The following WDR7 variants were observed in gnomAD, a reference collection of about 807,000 sequenced individuals.
WDR7 encodes the protein WD repeat domain 7, also known as WD repeat-containing protein 7.
A neutral mutation model predicts 169.4 loss-of-function variants in WDR7; 46 were observed. That is an observed-to-expected ratio of 0.27 (90% CI 0.21 to 0.35). WDR7 has a LOEUF of 0.35. Ranked by LOEUF, WDR7 falls within the 10% of genes least tolerant of loss-of-function variation. WDR7 has a pLI of 1.00. For missense variants in WDR7, 1,534 were observed against 1,859.3 expected, an observed-to-expected ratio of 0.83 and a Z score of 3.22; for synonymous variants, 612 against 666.8, an observed-to-expected ratio of 0.92 and a Z score of 1.27.
At chr18:56,916,116 G>C (rs1214904023) in intron 21 of WDR7, among the ~76,000 whole-genome samples, 1 of 152,134 alleles carries the variant, frequency 6.6e-6, no homozygotes, top group East Asian at 1.9e-4. Context: ...GGAAAACTTA[G>C]ACAAAATTTT....
intron 19 of WDR7, among the ~76,000 whole-genome samples, chr18:56,802,755 G>A (rs1022699804): frequency 6.6e-6 from 1 of 152,052 alleles, no homozygotes; most frequent in Non-Finnish European, 1.5e-5. Flanking sequence ...CTCCCAGTCT[G>A]CGGGTTGTTT....
At chr18:56,825,459 C>A (rs1268964063) in intron 20 of WDR7, among the ~76,000 whole-genome samples, 1 of 152,192 alleles carries the variant, frequency 6.6e-6, no homozygotes, top group Admixed American at 6.5e-5. Flanking sequence ...AATCCTCACA[C>A]AATTCATGTG....
chr18:56,779,746 G>A lies in WDR7; in HGVS notation c.3066+197G>A, dbSNP rs77294044. 6.4e-3 allele frequency among the ~76,000 whole-genome samples: 979 copies of A among 152,042 alleles called. 14 individuals are homozygous for A. The highest frequency in any genetic ancestry group is 0.022 in the African/African-American group (918 of 41,456). ...CAGTAATGCTCCAGCTGGTTTATTC[G>A]TTTACTTTTAAAGAATTCAGTGACT... On this transcript the variant is annotated intron_variant, in intron 18 of 27. Coordinates refer to ENST00000254442, the MANE Select transcript of WDR7 (RefSeq NM_015285.3).
At chr18:56,957,186 T>C (rs1448221696) in intron 25 of WDR7, 5 of 152,144 alleles carry the variant, frequency 3.3e-5, no homozygotes, top group Admixed American at 2.0e-4. Flanking sequence ...TGTGCTGACA[T>C]GAGAGGACCA....
intron 16 of WDR7, among the ~76,000 whole-genome samples, chr18:56,763,937 T>G (rs892062741): frequency 6.6e-6 from 1 of 152,114 alleles, no homozygotes; most frequent in African/African-American, 2.4e-5. Context: ...TAATTTATGT[T>G]TTTTCCCTTT....
intron 20 of WDR7, chr18:56,872,829 A>G (rs940154275): frequency 6.6e-6 from 1 of 152,186 alleles, no homozygotes; most frequent in East Asian, 1.9e-4. Context: ...TTTTCATGAG[A>G]CAAATGAAAC....
chr18:56,950,219 G>A (rs548003231), intron 25 of WDR7, among the ~76,000 whole-genome samples: 65 of 152,306 alleles, frequency 4.3e-4, no homozygotes, highest in African/African-American at 1.6e-3. Flanking sequence ...TTGAAACAAT[G>A]TGTACTCAAG....
rs142083373 is a variant in WDR7, at chr18:56,751,173, G to A, written c.1990-5410G>A. ...GAGGAATCACACGAAATTGCATCCC[G>A]ATATCATTGTCCCAGACACTAGATG... On this transcript the variant is annotated intron_variant, in intron 14 of 27. Coordinates refer to ENST00000254442, the MANE Select transcript of WDR7 (RefSeq NM_015285.3). 1.1e-3 allele frequency among the ~76,000 whole-genome samples: 168 copies of A among 152,100 alleles called. 1 individual carries two copies. The Middle Eastern group carries it at 0.014, about 12-fold the overall frequency.
At chr18:56,672,731 G>GT in intron 2 of WDR7, 57 bp downstream of exon 2, 3 of 1,454,272 alleles carry the variant, frequency 2.1e-6, no homozygotes, top group Non-Finnish European at 2.7e-6. Context: ...CTTATTAGAA[G>GT]ATAATATAGT....
At chr18:56,831,809 T>C (rs1370028148) in intron 20 of WDR7, among the ~76,000 whole-genome samples, 1 of 152,120 alleles carries the variant, frequency 6.6e-6, no homozygotes, top group African/African-American at 2.4e-5. Context: ...CCAACCCAGA[T>C]GCTATGCTTT....
At chr18:56,952,369 C>A (rs780169816) in intron 25 of WDR7, among the ~76,000 whole-genome samples, 2 of 152,212 alleles carry the variant, frequency 1.3e-5, no homozygotes, top group Admixed American at 6.5e-5. Flanking sequence ...AAAATTTTTG[C>A]GTAGCAGCTA....
At position 56,820,359 on chromosome 18, in the gene WDR7, A is replaced by AAAAAACAAAAAAAAAAAAAC. The variant is rs1555695958; in HGVS notation, c.3304+4221_3304+4222insAAAAAAAAAAAAACAAAAAC. On this transcript the variant is annotated intron_variant, in intron 20 of 27. Transcript: ENST00000254442. ...ATTGTCAAAAAAAAAAAAAAAAAAAAAAAAACCACCTTGATACTAGATCAG... is the reference window on the plus strand; with the variant it reads ...ATTGTCAAAAAAAAAAAAAAAAAAAAAAAAACAAAAAAAAAAAAACAAAAACCACCTTGATACTAGATCAG... Among the ~76,000 whole-genome samples the AAAAAACAAAAAAAAAAAAAC allele has an allele frequency of 4.7e-5, 6 of 127,512 alleles. 1 individual carries two copies. Among genetic ancestry groups the AAAAAACAAAAAAAAAAAAAC allele is most frequent in the African/African-American group, 2.1e-4 (6 of 28,422 alleles). 83.7% of individuals were successfully genotyped at this position (127,512 alleles called of 152,430 possible).
chr18:56,889,750 G>C (rs763997321), intron 21 of WDR7, among the ~76,000 whole-genome samples: 2 of 152,192 alleles, frequency 1.3e-5, no homozygotes, highest in African/African-American at 2.4e-5. Context: ...ACAGAGAAGA[G>C]AGGAGGGGAT....
intron 20 of WDR7, among the ~76,000 whole-genome samples, chr18:56,828,781 G>C (rs937734451): frequency 1.3e-5 from 2 of 152,110 alleles, no homozygotes; most frequent in African/African-American, 4.8e-5. Context: ...AAATGTGAGA[G>C]TAGAATATAG....
intron 21 of WDR7, among the ~76,000 whole-genome samples, chr18:56,909,018 G>A (rs865799225): frequency 2.9e-4 from 44 of 152,056 alleles, no homozygotes; most frequent in Non-Finnish European, 4.7e-4. Context: ...GAGTATGGAG[G>A]GAGAGGCATA....
At chr18:56,998,594 A>G (rs1385901229) in intron 26 of WDR7, among the ~76,000 whole-genome samples, 4 of 152,316 alleles carry the variant, frequency 2.6e-5, no homozygotes, top group Admixed American at 2.6e-4. Context: ...ATAGAATTCT[A>G]TTAAGGAATA....
intron 26 of WDR7, among the ~76,000 whole-genome samples, chr18:56,990,439 A>G (rs2047794442): frequency 6.6e-6 from 1 of 152,178 alleles, no homozygotes; most frequent in Non-Finnish European, 1.5e-5. Context: ...CTTTTTCACA[A>G]TAGTAGGAAG....
At chr18:56,743,748 G>A (rs1418203892) in intron 14 of WDR7, among the ~76,000 whole-genome samples, 1 of 152,176 alleles carries the variant, frequency 6.6e-6, no homozygotes, top group Non-Finnish European at 1.5e-5. Context: ...GGGAGATGCA[G>A]TTTTGAAGAC....
chr18:56,852,441 G>A (rs757417757), intron 20 of WDR7, among the ~76,000 whole-genome samples: 17 of 152,222 alleles, frequency 1.1e-4, no homozygotes, highest in Non-Finnish European at 2.1e-4. Context: ...CCTCTGTCTC[G>A]TATTTTGAAT....
Sources: allele counts gnomAD v4.1 joint callset (sites outside exome capture counted in the v4.1 genomes callset), GRCh38; gene constraint gnomAD v4.1.1; transcripts MANE v1.5; gene names NCBI Gene and HGNC (gene_info 2026-07-23, HGNC 2026-07-21).